Variants in IGF1R observed in about 807,000 individuals in gnomAD.
The protein encoded by IGF1R is insulin like growth factor 1 receptor.
Under a neutral mutation model 144.6 loss-of-function variants are expected in IGF1R, and 44 were observed. The ratio of observed to expected loss-of-function variants is 0.30; its 90% CI spans 0.24 to 0.39. The LOEUF is 0.39. Ranked by LOEUF, IGF1R falls within the 10% of genes least tolerant of loss-of-function variation. IGF1R has a pLI of 1.00. For synonymous variants in IGF1R, 795 were observed against 722.8 expected, an observed-to-expected ratio of 1.10 and a Z score of -1.60; for missense variants, 1,355 against 1,833.7, an observed-to-expected ratio of 0.74 and a Z score of 4.77.
chr15:98,850,744 G>T (rs777047476), intron 2 of IGF1R, among the ~76,000 whole-genome samples: 2 of 151,550 alleles, frequency 1.3e-5, no homozygotes, highest in Non-Finnish European at 2.9e-5. Flanking sequence ...TTGGCACTTG[G>T]TGGGGGGGGG....
chr15:98,911,006 A>C, intron 6 of IGF1R, among the ~76,000 whole-genome samples: 1 of 152,302 alleles, frequency 6.6e-6, no homozygotes, highest in East Asian at 1.9e-4. Flanking sequence ...TGGAGAAGAA[A>C]GATAAGTTCA....
At chr15:98,713,839 T>A (rs3759906) in intron 2 of IGF1R, among the ~76,000 whole-genome samples, 146,904 of 152,282 alleles carry the variant, frequency 0.96, 71,024 homozygotes, top group African/African-American at 0.98. Flanking sequence ...TTTTAACCCA[T>A]TGGGATGAAC....
chr15:98,657,496 T>C (rs1340358470), intron 1 of IGF1R, among the ~76,000 whole-genome samples: 1 of 152,246 alleles, frequency 6.6e-6, no homozygotes, highest in Non-Finnish European at 1.5e-5. Context: ...AGTGGGATAA[T>C]ACACAAGCTT....
At chr15:98,690,799 T>C (rs1360151326) in intron 1 of IGF1R, among the ~76,000 whole-genome samples, 1 of 152,190 alleles carries the variant, frequency 6.6e-6, no homozygotes, top group Admixed American at 6.5e-5. Flanking sequence ...CATGTGGTTA[T>C]GTCCACCTGC....
At chr15:98,946,017 A>G (rs1269093369) in intron 19 of IGF1R, among the ~76,000 whole-genome samples, 3 of 151,952 alleles carry the variant, frequency 2.0e-5, no homozygotes, top group African/African-American at 2.4e-5. Flanking sequence ...GATGATGACG[A>G]TGATGACGAT....
intron 1 of IGF1R, among the ~76,000 whole-genome samples, chr15:98,685,755 C>A (rs957748639): frequency 6.6e-6 from 1 of 152,216 alleles, no homozygotes; most frequent in African/African-American, 2.4e-5. Context: ...CGGCAGGTCC[C>A]AGGCATCAGC....
intron 2 of IGF1R, among the ~76,000 whole-genome samples, chr15:98,789,157 A>C (rs564818526): frequency 1.7e-4 from 26 of 152,282 alleles, no homozygotes; most frequent in African/African-American, 6.3e-4. Context: ...TCAGATCGTG[A>C]TTGCCAACTT....
rs920576750 is a variant in IGF1R at position 98,803,409 on chromosome 15, G to T, written c.641-87916G>T. ...AGTCAGGCTTGCAGGACCAGAAGTT[G>T]CTCTGGGTGAGTCAGTGAGTCAGTG... On this transcript the variant is annotated intron_variant, in intron 2 of 20. Coordinates refer to ENST00000650285, the MANE Select transcript of IGF1R (RefSeq NM_000875.5). 2.6e-5 allele frequency among the ~76,000 whole-genome samples: 4 copies of T among 152,190 alleles called. No homozygotes were observed. In the East Asian group the frequency reaches 7.7e-4, roughly 29 times the overall value.
chr15:98,715,983 G>A (rs1230083019), intron 2 of IGF1R, among the ~76,000 whole-genome samples: 4 of 152,224 alleles, frequency 2.6e-5, no homozygotes, highest in Non-Finnish European at 5.9e-5. Context: ...ATAAGAAGCT[G>A]CTTTCCTCGA....
chr15:98,931,011 A>T (rs1206913140), intron 15 of IGF1R, among the ~76,000 whole-genome samples: 1 of 152,216 alleles, frequency 6.6e-6, no homozygotes, highest in East Asian at 1.9e-4. Flanking sequence ...GCACTTTGCT[A>T]GGGGCTTTTA....
Position 98,874,663 on chromosome 15 carries a change from T to A in IGF1R, c.641-16662T>A, listed in dbSNP as rs538828738. On this transcript the variant is annotated intron_variant, in intron 2 of 20. Transcript: ENST00000650285. ...CACTTTATCTGCCAAGTGAAGACATTTGACTGGATGTCGTGATCTTGAGTT... is the reference window on the plus strand; with the variant it reads ...CACTTTATCTGCCAAGTGAAGACATATGACTGGATGTCGTGATCTTGAGTT... 2.6e-5 allele frequency among the ~76,000 whole-genome samples: 4 copies of A among 152,354 alleles called. No individual in the cohort carries two copies. In the South Asian group the frequency reaches 6.2e-4, roughly 24 times the overall value.
chr15:98,810,970 C>T (rs1431389760), intron 2 of IGF1R, among the ~76,000 whole-genome samples: 3 of 152,234 alleles, frequency 2.0e-5, no homozygotes, highest in Non-Finnish European at 4.4e-5. Context: ...TACTCATTTG[C>T]TTTCATATTG....
intron 11 of IGF1R, 93 bp from the exon 12 acceptor site, chr15:98,923,783 T>G: frequency 1.0e-6 from 1 of 961,108 alleles, no homozygotes; most frequent in Non-Finnish European, 1.7e-6. Context: ...GTCCTGCCCG[T>G]GTGGATGGGG....
chr15:98,698,847 G>A (rs542632141), intron 1 of IGF1R, among the ~76,000 whole-genome samples: 1 of 152,360 alleles, frequency 6.6e-6, no homozygotes, highest in East Asian at 1.9e-4. Flanking sequence ...GAACAGATGA[G>A]TGGGATTTCT....
chr15:98,909,803 T>C (rs2014921785), intron 6 of IGF1R, among the ~76,000 whole-genome samples: 1 of 152,218 alleles, frequency 6.6e-6, no homozygotes, highest in Non-Finnish European at 1.5e-5. Flanking sequence ...ACAATATAAT[T>C]ACAGCCTTGT....
intron 2 of IGF1R, among the ~76,000 whole-genome samples, chr15:98,826,297 G>A (rs2056894229): frequency 6.6e-6 from 1 of 152,206 alleles, no homozygotes; most frequent in South Asian, 2.1e-4. Context: ...AACGTTTGCT[G>A]TAGAAGACTG....
chr15:98,775,802 G>T (rs536047986), intron 2 of IGF1R, among the ~76,000 whole-genome samples: 1 of 152,204 alleles, frequency 6.6e-6, no homozygotes, highest in South Asian at 2.1e-4. Context: ...CAGGTCTCGG[G>T]CTGGTTGGAT....
At chr15:98,946,200 G>C (rs2016547560) in intron 19 of IGF1R, among the ~76,000 whole-genome samples, 1 of 151,710 alleles carries the variant, frequency 6.6e-6, no homozygotes, top group South Asian at 2.1e-4. Flanking sequence ...AAGCGGGGCG[G>C]GGCGGGGCAG....
intron 2 of IGF1R, among the ~76,000 whole-genome samples, chr15:98,830,901 G>A (rs2056990740): frequency 2.6e-5 from 4 of 152,170 alleles, no homozygotes; most frequent in African/African-American, 4.8e-5. Flanking sequence ...ACCACGCCCG[G>A]CCAGGATCTG....
Sources: allele counts gnomAD v4.1 joint callset (sites outside exome capture counted in the v4.1 genomes callset), GRCh38; gene constraint gnomAD v4.1.1; transcripts MANE v1.5; gene names NCBI Gene and HGNC (gene_info 2026-07-23, HGNC 2026-07-21).